BCLAF3: variants seen among roughly 807,000 people sequenced by gnomAD.
BCLAF3 encodes BCLAF1 and THRAP3 family member 3, also known as transient octamer binding factor 1.
BCLAF3 carries 24 observed loss-of-function variants against 51.2 expected under a neutral mutation model. The ratio of observed to expected loss-of-function variants is 0.47; its 90% CI spans 0.34 to 0.66. The LOEUF is 0.66. Among genes scored for constraint, BCLAF3 ranks in the 30% least tolerant of loss-of-function variants. The pLI is 0.01. For missense variants in BCLAF3, 465 were observed against 525.1 expected, an observed-to-expected ratio of 0.89 and a Z score of 1.12; for synonymous variants, 152 against 176.6, an observed-to-expected ratio of 0.86 and a Z score of 1.10.
chrX:19,964,489 C>T (rs181410167), intron 4 of BCLAF3, among the ~76,000 whole-genome samples: 11 of 110,620 alleles, frequency 9.9e-5, no homozygotes, highest in African/African-American at 3.6e-4. Flanking sequence ...CATTATGAGA[C>T]GGCAGCAAAA....
At chrX:19,946,183 T>C (rs1193406176) in intron 8 of BCLAF3, among the ~76,000 whole-genome samples, 1 of 111,409 alleles carries the variant, frequency 9.0e-6, no homozygotes, top group Admixed American at 9.4e-5. Flanking sequence ...TGGCACTCCC[T>C]AGTGAGATGA....
At chrX:19,990,318 G>A (rs915087204) in intron 1 of BCLAF3, among the ~76,000 whole-genome samples, 2 of 112,935 alleles carry the variant, frequency 1.8e-5, no homozygotes, top group African/African-American at 6.4e-5. Flanking sequence ...AAGCACAGGA[G>A]ATGCGCCAAT....
rs114277299 is a variant in BCLAF3, at chrX:19,940,123, T to C, written c.1746-2591A>G. ...TTGCCACAATACAAAAATTAAATCC[T>C]TTGATATTTGATTTTTGACCAGGCA... On this transcript the variant is annotated intron_variant, in intron 8 of 11. Coordinates refer to ENST00000379682, the MANE Select transcript of BCLAF3 (RefSeq NM_001367774.2). 7.4e-3 allele frequency among the ~76,000 whole-genome samples: 831 copies of C among 112,099 alleles called. 8 individuals are homozygous for C. Among genetic ancestry groups the C allele is most frequent in the African/African-American group, 0.025 (768 of 30,905 alleles).
At position 19,965,658 on chromosome X, in the gene BCLAF3, T is replaced by C; in HGVS notation, c.660A>G (p.Arg220=). The change falls in exon 4 of 12, where the codon AGA becomes AGG. Residue 220 remains arginine, a synonymous_variant. Coordinates refer to ENST00000379682, the MANE Select transcript of BCLAF3 (RefSeq NM_001367774.2). ...DFRKYGHTSK[R]PKDVERYESR... ...TTTCATACCTCTCCACGTCTTTAGGTCTTTTTGATGTGTGTCCATATTTTC... is the reference window on the plus strand; with the variant it reads ...TTTCATACCTCTCCACGTCTTTAGGCCTTTTTGATGTGTGTCCATATTTTC... The C allele has an allele frequency of 8.7e-7, 1 of 1,143,919 alleles. No individual in the cohort carries two copies. 94.3% of individuals were successfully genotyped at this position (1,143,919 alleles called of 1,213,427 possible). A position where few individuals can be genotyped will look rare whatever the true frequency, so the allele number is the denominator to read the frequency against.
intron 4 of BCLAF3, among the ~76,000 whole-genome samples, chrX:19,957,468 C>T (rs1391003571): frequency 8.9e-6 from 1 of 112,037 alleles, no homozygotes; most frequent in Non-Finnish European, 1.9e-5. Flanking sequence ...ACAAATGGTC[C>T]ATCCACAAGA....
chrX:19,917,468 G>C, intron 11 of BCLAF3, 134 bp from the exon 12 acceptor site: 1 of 530,131 alleles, frequency 1.9e-6, no homozygotes, highest in Non-Finnish European at 3.2e-6. Context: ...TCCCACGAAG[G>C]CATGTGGAAC....
chrX:19,917,918 G>A (rs369821350), intron 11 of BCLAF3, among the ~76,000 whole-genome samples: 14 of 111,665 alleles, frequency 1.3e-4, no homozygotes, highest in African/African-American at 4.5e-4. Flanking sequence ...AATAATGAAC[G>A]TGGATTCTAT....
chrX:19,921,681 C>T (rs754670540), intron 11 of BCLAF3, among the ~76,000 whole-genome samples: 5 of 109,976 alleles, frequency 4.5e-5, no homozygotes, highest in South Asian at 7.8e-4. Flanking sequence ...CCAGCCTGGA[C>T]GCCAGAGTGA....
chrX:19,934,211 T>C (rs1006376625), intron 10 of BCLAF3, among the ~76,000 whole-genome samples: 6 of 112,536 alleles, frequency 5.3e-5, no homozygotes, highest in Non-Finnish European at 9.4e-5. Flanking sequence ...ACATATATCT[T>C]GAAAACATTT....
chrX:19,926,152 T>A (rs942154556), intron 11 of BCLAF3, among the ~76,000 whole-genome samples: 1 of 111,074 alleles, frequency 9.0e-6, no homozygotes, highest in African/African-American at 3.3e-5. Context: ...AGGGTGGGCC[T>A]AAGAAAAACA....
intron 1 of BCLAF3, among the ~76,000 whole-genome samples, chrX:19,975,197 C>A (rs2072383396): frequency 9.3e-6 from 1 of 107,963 alleles, no homozygotes; most frequent in African/African-American, 3.4e-5. Flanking sequence ...GAGGTTTAAA[C>A]ATACAGCCTG....
intron 11 of BCLAF3, among the ~76,000 whole-genome samples, chrX:19,924,397 C>G (rs1236956880): frequency 9.0e-6 from 1 of 111,655 alleles, no homozygotes; most frequent in African/African-American, 3.3e-5. Flanking sequence ...AAACTGGAGC[C>G]TCCAGATCCT....
chrX:19,918,533 CCTTTT>C (rs2070006937), intron 11 of BCLAF3, among the ~76,000 whole-genome samples: 2 of 91,237 alleles, frequency 2.2e-5, no homozygotes, highest in Non-Finnish European at 4.2e-5. Context: ...CCCAACCCGG[CCTTTT>C]TTTTTTTTTT....
At chrX:19,962,433 C>A (rs1244205150) in intron 4 of BCLAF3, among the ~76,000 whole-genome samples, 2 of 112,077 alleles carry the variant, frequency 1.8e-5, no homozygotes, top group South Asian at 3.7e-4. Context: ...TAGCCTGCCC[C>A]GGCCTCCCAC....
rs1407618248 is a variant in BCLAF3, at chrX:19,915,032, C to T, written c.*2273G>A. 3 of 109,853 alleles carry T rather than the reference C, an allele frequency of 2.7e-5. No individual in the cohort carries two copies. Among genetic ancestry groups the T allele is most frequent in the African/African-American group, 1.0e-4 (3 of 30,148 alleles). The allele number at this position is 109,853 out of a possible 1,213,427, so 9.1% of individuals were successfully genotyped here. On this transcript the variant is annotated 3_prime_UTR_variant, in exon 12 of 12. Coordinates refer to ENST00000379682, the MANE Select transcript of BCLAF3 (RefSeq NM_001367774.2). ...ACTGTGTCTTATTATCTTTGTCTTC[C>T]CAGTACCAGCGAAGGGCCTAGCACG...
chrX:19,928,443 C>T (rs986972518), intron 11 of BCLAF3, among the ~76,000 whole-genome samples: 1 of 109,046 alleles, frequency 9.2e-6, no homozygotes, highest in East Asian at 2.9e-4. Context: ...ATTAGCCAGG[C>T]GTAGTGGCAG....
chrX:19,968,855 T>G (rs1166280376), intron 2 of BCLAF3, among the ~76,000 whole-genome samples: 2 of 112,547 alleles, frequency 1.8e-5, no homozygotes, highest in African/African-American at 6.5e-5. Flanking sequence ...GGCTCACGCC[T>G]GTAATCCCAG....
At chrX:19,941,763 T>C (rs965640884) in intron 8 of BCLAF3, among the ~76,000 whole-genome samples, 10 of 103,466 alleles carry the variant, frequency 9.7e-5, no homozygotes, top group Non-Finnish European at 1.6e-4. Flanking sequence ...GGGCTCTTTT[T>C]TGGTTCCATA....
rs1027155230 is a variant in BCLAF3 at position 19,929,757 on chromosome X, A to G, written c.2106+28T>C. 3 of 1,166,298 alleles carry G rather than the reference A, an allele frequency of 2.6e-6. No homozygotes were observed. The African/African-American group carries it at 5.4e-5, about 21-fold the overall frequency. ...TCTAGGAGTTTAAAAGTCACTAAAC[A>G]TTTTTAAATCATTTTAATTCAACTA... On this transcript the variant is annotated intron_variant, in intron 11 of 11. Coordinates refer to ENST00000379682, the MANE Select transcript of BCLAF3 (RefSeq NM_001367774.2).
Sources: allele counts gnomAD v4.1 joint callset (sites outside exome capture counted in the v4.1 genomes callset), GRCh38; gene constraint gnomAD v4.1.1; transcripts MANE v1.5; gene names NCBI Gene and HGNC (gene_info 2026-07-23, HGNC 2026-07-21).